The following GPM6A variants were observed in gnomAD, a reference collection of about 807,000 sequenced individuals.
GPM6A encodes glycoprotein M6A.
A neutral mutation model predicts 32.1 loss-of-function variants in GPM6A; 7 were observed. That is an observed-to-expected ratio of 0.22 (90% CI 0.12 to 0.41). GPM6A has a LOEUF of 0.41. Ranked by LOEUF, GPM6A falls within the 10% of genes least tolerant of loss-of-function variation. The probability of loss-of-function intolerance (pLI) is 1.00; values close to 1 mark genes in which losing one functional copy is unlikely to be tolerated. For synonymous variants in GPM6A, 130 were observed against 123.4 expected, an observed-to-expected ratio of 1.05 and a Z score of -0.35; for missense variants, 235 against 347.2, an observed-to-expected ratio of 0.68 and a Z score of 2.57.
intron 1 of GPM6A, among the ~76,000 whole-genome samples, chr4:175,839,246 A>C (rs1263435005): frequency 6.6e-6 from 1 of 152,224 alleles, no homozygotes; most frequent in East Asian, 1.9e-4. Context: ...GAAAACAAAT[A>C]AATAGAATCA....
intron 1 of GPM6A, among the ~76,000 whole-genome samples, chr4:175,755,541 T>C (rs939792937): frequency 3.9e-5 from 6 of 152,124 alleles, no homozygotes; most frequent in Non-Finnish European, 7.4e-5. Context: ...TTCTAACACA[T>C]TAAATAGGAA....
chr4:175,730,687 T>C (rs1731388724), intron 1 of GPM6A, among the ~76,000 whole-genome samples: 1 of 152,112 alleles, frequency 6.6e-6, no homozygotes, highest in Admixed American at 6.6e-5. Context: ...TTAGCCAGGA[T>C]GGTCTCGATC....
At chr4:175,658,183 A>C (rs562175313) in intron 3 of GPM6A, among the ~76,000 whole-genome samples, 32 of 152,188 alleles carry the variant, frequency 2.1e-4, no homozygotes, top group African/African-American at 7.5e-4. Context: ...TCAGTAGATA[A>C]ACAGATATAT....
At chr4:175,674,672 T>A (rs1166756734) in intron 2 of GPM6A, among the ~76,000 whole-genome samples, 1 of 152,228 alleles carries the variant, frequency 6.6e-6, no homozygotes, top group African/African-American at 2.4e-5. Context: ...TCAATTATAG[T>A]TGTATTCTAT....
intron 1 of GPM6A, among the ~76,000 whole-genome samples, chr4:175,702,583 C>T (rs976674615): frequency 6.6e-6 from 1 of 152,084 alleles, no homozygotes; most frequent in Non-Finnish European, 1.5e-5. Context: ...GGAACAATCT[C>T]GGCTCACTGC....
chr4:175,674,443 A>G (rs73020105), intron 2 of GPM6A, among the ~76,000 whole-genome samples: 7,558 of 152,222 alleles, frequency 0.05, 211 homozygotes, highest in Non-Finnish European at 0.063. Flanking sequence ...CCAAAGTGCT[A>G]GGATTTCAGG....
At chr4:175,698,053 G>A (rs531518848) in intron 2 of GPM6A, among the ~76,000 whole-genome samples, 1 of 152,238 alleles carries the variant, frequency 6.6e-6, no homozygotes, top group Non-Finnish European at 1.5e-5. Context: ...GTTGAGATAA[G>A]TGTATGTATT....
chr4:175,935,952 C>T (rs1206928636), intron 1 of GPM6A, among the ~76,000 whole-genome samples: 1 of 151,382 alleles, frequency 6.6e-6, no homozygotes, highest in East Asian at 1.9e-4. Context: ...AACCATGAAA[C>T]ACTATGCAAT....
At chr4:175,825,722 T>C (rs1472706896) in intron 1 of GPM6A, among the ~76,000 whole-genome samples, 2 of 152,150 alleles carry the variant, frequency 1.3e-5, no homozygotes, top group African/African-American at 4.8e-5. Flanking sequence ...TATTGTTCGT[T>C]AGAAAGGAAA....
At chr4:175,917,587 A>G (rs1188579872) in intron 1 of GPM6A, among the ~76,000 whole-genome samples, 10 of 152,200 alleles carry the variant, frequency 6.6e-5, no homozygotes, top group Non-Finnish European at 1.3e-4. Context: ...GTGGGCGGCT[A>G]TTAAAAATCC....
At chr4:175,771,526 T>C (rs1191981263) in intron 1 of GPM6A, among the ~76,000 whole-genome samples, 1 of 132,956 alleles carries the variant, frequency 7.5e-6, no homozygotes. Context: ...CACTCCAGCC[T>C]GGGCGACAGA....
At chr4:175,757,134 G>C (rs990391389) in intron 1 of GPM6A, among the ~76,000 whole-genome samples, 1 of 152,054 alleles carries the variant, frequency 6.6e-6, no homozygotes. Flanking sequence ...GTGACAGTGT[G>C]CCCCTCCTGA....
At chr4:175,937,288 C>T (rs1218128272) in intron 1 of GPM6A, among the ~76,000 whole-genome samples, 1 of 152,084 alleles carries the variant, frequency 6.6e-6, no homozygotes, top group African/African-American at 2.4e-5. Flanking sequence ...TAAAAGGAAT[C>T]AACTCAAATG....
chr4:175,937,635 C>G (rs1254029487), intron 1 of GPM6A, among the ~76,000 whole-genome samples: 1 of 151,944 alleles, frequency 6.6e-6, no homozygotes. Context: ...CAGTGATCAC[C>G]TATGGGTTGG....
At chr4:175,884,863 C>A (rs989794290) in intron 1 of GPM6A, among the ~76,000 whole-genome samples, 2 of 152,196 alleles carry the variant, frequency 1.3e-5, no homozygotes, top group Admixed American at 6.5e-5. Context: ...TGAAATATTT[C>A]TTTGACATAT....
intron 1 of GPM6A, among the ~76,000 whole-genome samples, chr4:175,958,177 G>A (rs1431878713): frequency 1.3e-5 from 2 of 152,196 alleles, no homozygotes; most frequent in Non-Finnish European, 2.9e-5. Flanking sequence ...ACAGGCGTGA[G>A]CCACCATGCC....
At chr4:175,725,261 T>C (rs1159762079) in intron 1 of GPM6A, among the ~76,000 whole-genome samples, 1 of 150,894 alleles carries the variant, frequency 6.6e-6, no homozygotes, top group African/African-American at 2.4e-5. Context: ...AATAGAGCTA[T>C]ATTGTCTTTT....
At chr4:175,638,582 C>G (rs1229371629) in intron 6 of GPM6A, among the ~76,000 whole-genome samples, 2 of 152,038 alleles carry the variant, frequency 1.3e-5, no homozygotes, top group Admixed American at 6.6e-5. Context: ...TAAGCATTTT[C>G]AGGGACATTT....
At chr4:175,904,171 A>G (rs563904950) in intron 1 of GPM6A, among the ~76,000 whole-genome samples, 1 of 151,992 alleles carries the variant, frequency 6.6e-6, no homozygotes, top group Non-Finnish European at 1.5e-5. Context: ...CATTCTTAAT[A>G]AAAAAAGTTT....
Sources: allele counts gnomAD v4.1 joint callset (sites outside exome capture counted in the v4.1 genomes callset), GRCh38; gene constraint gnomAD v4.1.1; transcripts MANE v1.5; gene names NCBI Gene and HGNC (gene_info 2026-07-23, HGNC 2026-07-21).